Variants in MDFIC observed in about 807,000 individuals in gnomAD.
The protein encoded by MDFIC is myoD family inhibitor domain-containing protein.
MDFIC carries 17 observed loss-of-function variants against 23.2 expected under a neutral mutation model. The observed-to-expected ratio is 0.73, with a 90% CI of 0.50 to 1.10. The LOEUF (loss-of-function observed/expected upper bound fraction) is 1.10. MDFIC is among the 50% of genes least tolerant of loss of function. The pLI, the probability that MDFIC is intolerant of heterozygous loss-of-function variation, is 0.00. For synonymous variants in MDFIC, 120 were observed against 115.2 expected, an observed-to-expected ratio of 1.04 and a Z score of -0.27; for missense variants, 356 against 316.6, an observed-to-expected ratio of 1.12 and a Z score of -0.95.
At chr7:115,004,087 G>A (rs1791519140) in intron 4 of MDFIC, among the ~76,000 whole-genome samples, 1 of 152,140 alleles carries the variant, frequency 6.6e-6, no homozygotes, top group African/African-American at 2.4e-5. Context: ...TATATATACT[G>A]GTGATGAGAA....
chr7:114,998,597 T>C (rs1791393508), intron 4 of MDFIC, among the ~76,000 whole-genome samples: 1 of 152,214 alleles, frequency 6.6e-6, no homozygotes, highest in Non-Finnish European at 1.5e-5. Flanking sequence ...TTATATTCTT[T>C]GTCATTAACT....
chr7:114,938,499 GACATCAC>G (rs1157716526), intron 2 of MDFIC, among the ~76,000 whole-genome samples: 1 of 152,140 alleles, frequency 6.6e-6, no homozygotes, highest in African/African-American at 2.4e-5. Context: ...ATATCATGAT[GACATCAC>G]TGCCCCAGCC....
intron 4 of MDFIC, among the ~76,000 whole-genome samples, chr7:114,989,622 A>T (rs574299959): frequency 8.8e-4 from 134 of 152,316 alleles, no homozygotes; most frequent in Middle Eastern, 3.4e-3. Context: ...GAATGCATTG[A>T]CATTGTCAAA....
chr7:114,956,529 G>A (rs1449287144), intron 3 of MDFIC, among the ~76,000 whole-genome samples: 5 of 151,972 alleles, frequency 3.3e-5, no homozygotes, highest in Admixed American at 6.6e-5. Context: ...TTTAATGTGC[G>A]GTAAATATGC....
Position 114,942,261 on chromosome 7 carries a change from CT to C in MDFIC, c.95-8del, listed in dbSNP as rs766329538. The C allele has an allele frequency of 2.1e-6, 3 of 1,408,014 alleles. No individual in the cohort carries two copies. Among genetic ancestry groups the C allele is most frequent in the Non-Finnish European group, 2.9e-6 (3 of 1,041,424 alleles). 87.2% of individuals were successfully genotyped at this position (1,408,014 alleles called of 1,614,324 possible). A position where few individuals can be genotyped will look rare whatever the true frequency, so the allele number is the denominator to read the frequency against. ...ATAAAATCAATTATATTAAATGTATCTTTTTTAATTCAGGAAAATGTGATAA... is the reference window on the plus strand; with the variant it reads ...ATAAAATCAATTATATTAAATGTATCTTTTTAATTCAGGAAAATGTGATAA... On this transcript the variant is annotated splice_polypyrimidine_tract_variant and intron_variant, in intron 2 of 4. Transcript: ENST00000393486.
intron 4 of MDFIC, chr7:115,014,175 A>G (rs1791743639): frequency 4.1e-6 from 4 of 985,262 alleles, no homozygotes; most frequent in African/African-American, 1.7e-5. Context: ...TGAATTCTCT[A>G]CAAAGTTAGA....
In MDFIC at chr7:115,014,427, C is replaced by T. The variant is rs1366580463; in HGVS notation, c.494-1261C>T. The T allele has an allele frequency of 5.4e-6, 7 of 1,289,438 alleles. No homozygotes were observed. In the Admixed American group the frequency reaches 1.6e-4, roughly 30 times the overall value. 79.9% of individuals were successfully genotyped at this position (1,289,438 alleles called of 1,614,324 possible). On this transcript the variant is annotated intron_variant, in intron 4 of 4. Coordinates refer to ENST00000393486, the MANE Select transcript of MDFIC (RefSeq NM_001166345.3). ...TTATTATAGCATGGCTGCCAAGCAA[C>T]AAGCTGGTTTTCTTTCCTACATCTT...
At chr7:115,003,649 T>C (rs140656755) in intron 4 of MDFIC, among the ~76,000 whole-genome samples, 1,812 of 152,320 alleles carry the variant, frequency 0.012, 19 homozygotes, top group Admixed American at 0.018. Context: ...TTACCTGGTT[T>C]CTTTAGATCC....
chr7:114,954,260 T>C, intron 3 of MDFIC, among the ~76,000 whole-genome samples: 1 of 152,260 alleles, frequency 6.6e-6, no homozygotes, highest in Non-Finnish European at 1.5e-5. Context: ...TAATTGTGCC[T>C]AATCTGCTAA....
rs753397243 is a variant in MDFIC at position 115,019,855 on chromosome 7, TAAAAG to T, written c.*3922_*3926del. On this transcript the variant is annotated 3_prime_UTR_variant, in exon 5 of 5. Transcript: ENST00000393486. ...GTTTTTATAATCAAGCATTGGGTAT[TAAAAG>T]AGAATCCTTTCAACCCTTCATCTTC... Among the ~76,000 whole-genome samples, 2 of 152,152 alleles carry T rather than the reference TAAAAG, an allele frequency of 1.3e-5. No homozygotes were observed. Among genetic ancestry groups the T allele is most frequent in the Non-Finnish European group, 2.9e-5 (2 of 68,012 alleles).
At chr7:114,984,494 G>C (rs1256709142) in intron 4 of MDFIC, among the ~76,000 whole-genome samples, 1 of 151,600 alleles carries the variant, frequency 6.6e-6, no homozygotes, top group Non-Finnish European at 1.5e-5. Flanking sequence ...CTTTTAAAAA[G>C]TTCCATTTTT....
At chr7:114,961,284 A>G (rs1792986803) in intron 3 of MDFIC, among the ~76,000 whole-genome samples, 1 of 152,188 alleles carries the variant, frequency 6.6e-6, no homozygotes, top group Admixed American at 6.5e-5. Context: ...AGAACATGTT[A>G]GTTTTCATAT....
chr7:114,958,461 A>G (rs1226291455), intron 3 of MDFIC, among the ~76,000 whole-genome samples: 3 of 152,110 alleles, frequency 2.0e-5, no homozygotes, highest in Non-Finnish European at 4.4e-5. Context: ...GTTTGAAACT[A>G]TTTTCCCGGC....
intron 3 of MDFIC, among the ~76,000 whole-genome samples, chr7:114,976,698 C>T (rs965917801): frequency 1.9e-4 from 29 of 152,012 alleles, no homozygotes; most frequent in African/African-American, 6.3e-4. Context: ...TGAAAGTGTA[C>T]ATTTAAGTAA....
chr7:114,995,402 C>T (rs963331889), intron 4 of MDFIC, among the ~76,000 whole-genome samples: 2 of 152,172 alleles, frequency 1.3e-5, no homozygotes, highest in African/African-American at 4.8e-5. Context: ...AGCTGTGTTC[C>T]TTTGGAGGGG....
In MDFIC at chr7:114,935,264, A is replaced by T. The variant is rs528309869; in HGVS notation, c.95-7011A>T. Among the ~76,000 whole-genome samples the T allele has an allele frequency of 2.6e-5, 4 of 152,228 alleles. No individual in the cohort carries two copies. The East Asian group carries it at 5.8e-4, about 22-fold the overall frequency. On this transcript the variant is annotated intron_variant, in intron 2 of 4. Coordinates refer to ENST00000393486, the MANE Select transcript of MDFIC (RefSeq NM_001166345.3). ...ATACAAATTGCTTATCACCAATAAC[A>T]ATATACATAATATGCAGATTATAAA...
At chr7:114,983,183 C>A (rs111923731) in intron 4 of MDFIC, among the ~76,000 whole-genome samples, 18 of 152,260 alleles carry the variant, frequency 1.2e-4, no homozygotes, top group African/African-American at 4.3e-4. Context: ...AAACAAGTAG[C>A]AAAATAATCT....
intron 4 of MDFIC, among the ~76,000 whole-genome samples, chr7:114,988,424 T>C (rs1023879063): frequency 4.6e-5 from 7 of 152,132 alleles, no homozygotes; most frequent in African/African-American, 1.7e-4. Context: ...TCAAACATAA[T>C]ATGTAGGCAC....
chr7:114,983,012 T>C (rs540535439), intron 4 of MDFIC, among the ~76,000 whole-genome samples: 1 of 152,358 alleles, frequency 6.6e-6, no homozygotes, highest in Admixed American at 6.5e-5. Context: ...AGGACTTACC[T>C]CTTAATATCA....
Sources: allele counts gnomAD v4.1 joint callset (sites outside exome capture counted in the v4.1 genomes callset), GRCh38; gene constraint gnomAD v4.1.1; transcripts MANE v1.5; gene names NCBI Gene and HGNC (gene_info 2026-07-23, HGNC 2026-07-21).